Variants in KRT79 observed in about 807,000 individuals in gnomAD.
KRT79 encodes keratin, type II cytoskeletal 79.
KRT79 carries 51 observed loss-of-function variants against 49.0 expected under a neutral mutation model. That is an observed-to-expected ratio of 1.04 (90% CI 0.83 to 1.31). The LOEUF is 1.31. Ranked by LOEUF, KRT79 falls within the 40% of genes most tolerant of loss-of-function variation. KRT79 has a pLI of 0.00. For missense variants in KRT79, 728 were observed against 688.0 expected, an observed-to-expected ratio of 1.06 and a Z score of -0.65; for synonymous variants, 312 against 286.6, an observed-to-expected ratio of 1.09 and a Z score of -0.90.
At chr12:52,830,913 G>A (rs1408670444) in intron 2 of KRT79, among the ~76,000 whole-genome samples, 5 of 152,148 alleles carry the variant, frequency 3.3e-5, no homozygotes, top group Admixed American at 3.3e-4. Flanking sequence ...TTTTTTAGGT[G>A]TGATTATGCC....
intron 4 of KRT79, among the ~76,000 whole-genome samples, chr12:52,828,392 G>A (rs922704092): frequency 1.3e-5 from 2 of 152,166 alleles, no homozygotes; most frequent in Non-Finnish European, 2.9e-5. Flanking sequence ...CTTTGTTTTA[G>A]GCCCTGATTG....
chr12:52,821,616 AAG>A lies in KRT79; in HGVS notation c.*254_*255del. On this transcript the variant is annotated 3_prime_UTR_variant, in exon 9 of 9. Transcript: ENST00000330553. ...AATTCAGCCTCCTCTCGGTGGTCAA[AAG>A]GTCACCCCCAAGTCACCCAAGCACA... The A allele has an allele frequency of 1.1e-4, 40 of 372,342 alleles. No homozygotes were observed. The highest frequency in any genetic ancestry group is 4.6e-4 in the South Asian group (11 of 23,696). 23.1% of individuals were successfully genotyped at this position (372,342 alleles called of 1,614,324 possible).
chr12:52,834,292 G>A lies in KRT79; in HGVS notation c.-32C>T, dbSNP rs1173749878. ...AGAGGGGCCGGAGGGCAGGATGAGA[G>A]GGCAGGAAGGGAGTGCCGTGAGCTG... On this transcript the variant is annotated 5_prime_UTR_variant, in exon 1 of 9. Coordinates refer to ENST00000330553, the MANE Select transcript of KRT79 (RefSeq NM_175834.3). 6.4e-7 allele frequency: 1 copy of A among 1,558,930 alleles called. No homozygotes were observed. The highest frequency in any genetic ancestry group is 1.7e-5 in the Admixed American group (1 of 59,892).
In KRT79 at chr12:52,833,925, C is replaced by G; in HGVS notation, c.336G>C (p.Gly112=). The G allele has an allele frequency of 6.2e-7, 1 of 1,613,082 alleles. No homozygotes were observed. The highest frequency in any genetic ancestry group is 2.2e-5 in the East Asian group (1 of 44,850). Residue 112 remains glycine, a synonymous_variant, in exon 1 of 9, where the codon GGG becomes GGC. Coordinates refer to ENST00000330553, the MANE Select transcript of KRT79 (RefSeq NM_175834.3). ...GGTTGACAGTGACCTCCTGGATCCCCCCAGGAGGACAAGCAGGCCCAAACG... is the reference window on the plus strand; with the variant it reads ...GGTTGACAGTGACCTCCTGGATCCCGCCAGGAGGACAAGCAGGCCCAAACG... ...RQTFGPACPP[G]GIQEVTVNQS... is the part of the protein sequence containing the mutation.
At chr12:52,832,437 C>A (rs1023935851) in intron 1 of KRT79, among the ~76,000 whole-genome samples, 1 of 151,904 alleles carries the variant, frequency 6.6e-6, no homozygotes, top group Non-Finnish European at 1.5e-5. Flanking sequence ...CAGAAGGAGG[C>A]TTACGGTGTG....
At chr12:52,822,906 C>T in intron 7 of KRT79, 110 bp downstream of exon 7, 1 of 1,084,772 alleles carries the variant, frequency 9.2e-7, no homozygotes, top group Non-Finnish European at 1.3e-6. Flanking sequence ...GAGTCAGGAT[C>T]TTGCTCCCTG....
At position 52,822,158 on chromosome 12, in the gene KRT79, A is replaced by G. The variant is rs575409214; in HGVS notation, c.1403-81T>C. 5.5e-6 allele frequency: 8 copies of G among 1,458,826 alleles called. No individual in the cohort carries two copies. The East Asian group carries it at 1.9e-4, about 34-fold the overall frequency. 90.4% of individuals were successfully genotyped at this position (1,458,826 alleles called of 1,614,324 possible). Reference sequence around the variant, plus strand: ...GAGACCCAGAAATCAGTGGGGAATCAGAACAAAATCAAGCAGCAGAGCTAT... The same window carrying G: ...GAGACCCAGAAATCAGTGGGGAATCGGAACAAAATCAAGCAGCAGAGCTAT... On this transcript the variant is annotated intron_variant, in intron 8 of 8. Coordinates refer to ENST00000330553, the MANE Select transcript of KRT79 (RefSeq NM_175834.3).
At chr12:52,824,159 G>T in intron 5 of KRT79, 39 bp downstream of exon 5, 1 of 1,613,698 alleles carries the variant, frequency 6.2e-7, no homozygotes. Flanking sequence ...GATCTGATCC[G>T]ACCCCAGGCC....
At position 52,833,837 on chromosome 12, in the gene KRT79, C is replaced by A; in HGVS notation, c.424G>T (p.Glu142Ter). Reference sequence around the variant, plus strand: ...TTGAGGGTCTTGATCTGCTCCCGCTCCTGAGTGCGCACTCGCTGGATCTCG... The same window carrying A: ...TTGAGGGTCTTGATCTGCTCCCGCTACTGAGTGCGCACTCGCTGGATCTCG... Reference protein sequence around the residue: ...DPEIQRVRTQEREQIKTLNNK... With the variant: ...DPEIQRVRTQ Residue 142 changes from glutamate (E) to a stop codon, truncating the protein, a stop_gained, in exon 1 of 9, where the codon GAG becomes TAG. Coordinates refer to ENST00000330553, the MANE Select transcript of KRT79 (RefSeq NM_175834.3). LOFTEE classifies it high-confidence loss of function. The A allele has an allele frequency of 6.2e-7, 1 of 1,613,956 alleles. No individual in the cohort carries two copies. Among genetic ancestry groups the A allele is most frequent in the South Asian group, 1.1e-5 (1 of 91,046 alleles).
At position 52,822,096 on chromosome 12, in the gene KRT79, G is replaced by C; in HGVS notation, c.1403-19C>G. The C allele has an allele frequency of 6.2e-7, 1 of 1,612,660 alleles. No homozygotes were observed. Among genetic ancestry groups the C allele is most frequent in the Non-Finnish European group, 8.5e-7 (1 of 1,179,370 alleles). The stretch of plus-strand genomic sequence containing the variant: ...GTCACAGCTGCAAAGCAAAGGGTCT[G>C]GATTAGTCAGGGCGGCCATGCCAGA... On this transcript the variant is annotated intron_variant, in intron 8 of 8. Transcript: ENST00000330553.
chr12:52,833,902 T>C lies in KRT79; in HGVS notation c.359A>G (p.Asn120Ser), dbSNP rs1360944943. The C allele has an allele frequency of 4.3e-6, 7 of 1,613,784 alleles. No homozygotes were observed. In the African/African-American group the frequency reaches 8.0e-5, roughly 18 times the overall value. The change falls in exon 1 of 9, where the codon AAC becomes AGC. Residue 120 changes from asparagine to serine, a missense_variant. Coordinates refer to ENST00000330553, the MANE Select transcript of KRT79 (RefSeq NM_175834.3). ...PPGGIQEVTV[N>S]QSLLTPLHVE... is the part of the protein sequence containing the mutation. ...ATGGAGGGGGGTCAGCAGGCTCTGG[T>C]TGACAGTGACCTCCTGGATCCCCCC...
chr12:52,824,106 C>G (rs1032382352), intron 5 of KRT79, 92 bp downstream of exon 5: 32 of 1,611,454 alleles, frequency 2.0e-5, no homozygotes, highest in Non-Finnish European at 2.1e-5. Flanking sequence ...TCTGGCCCCC[C>G]GGACTCCAAG....
intron 4 of KRT79, 146 bp downstream of exon 4, chr12:52,829,877 C>G: frequency 2.9e-6 from 2 of 686,258 alleles, no homozygotes; most frequent in Non-Finnish European, 5.1e-6. Flanking sequence ...GGTAACACAG[C>G]GAAACTCCGT....
In KRT79 at chr12:52,834,014, GC is replaced by G; in HGVS notation, c.246del (p.Arg83GlyfsTer42). 1 of 1,612,194 alleles carries G rather than the reference GC, an allele frequency of 6.2e-7. No individual in the cohort carries two copies. Among genetic ancestry groups the G allele is most frequent in the Non-Finnish European group, 8.5e-7 (1 of 1,179,110 alleles). On this transcript the variant is annotated frameshift_variant, in exon 1 of 9. Coordinates refer to ENST00000330553, the MANE Select transcript of KRT79 (RefSeq NM_175834.3). LOFTEE classifies it high-confidence loss of function. ...SVSVAGGALL[G>X]RALGGFGFGS... is the part of the protein sequence containing the mutation. ...CCAAAGCCAAAGCCCCCCAGAGCCC[GC>G]CCCAACAAGGCCCCTCCGGCCACAC...
rs762674688 is a variant in KRT79 at position 52,830,013 on chromosome 12, G to A, written c.855+10C>T. On this transcript the variant is annotated intron_variant, in intron 4 of 8. Coordinates refer to ENST00000330553, the MANE Select transcript of KRT79 (RefSeq NM_175834.3). The stretch of plus-strand genomic sequence containing the variant: ...GTATGCAAACTCTCCCTGCCCATTG[G>A]CCACCTCACCATTTCATAGAGTTGC... The A allele has an allele frequency of 1.1e-5, 18 of 1,612,974 alleles. No individual in the cohort carries two copies. The highest frequency in any genetic ancestry group is 5.0e-5 in the Admixed American group (3 of 59,996).
chr12:52,823,023 C>G lies in KRT79; in HGVS notation c.1360G>C (p.Glu454Gln). ...GGCAGGAGGGGCCACCACCTGCTCT[C>G]CTCGCTCTCCAGAAGCTTGCGGTAG... The part of the protein sequence containing the change: ...ATYRKLLESE[E>Q]SRMSGECPSA... Residue 454 changes from glutamate (E) to glutamine (Q), a missense_variant, in exon 7 of 9, where the codon GAG becomes CAG. Physicochemically the swap from Glu to Gln is conservative, Grantham distance 29. Transcript: ENST00000330553. The G allele has an allele frequency of 6.2e-7, 1 of 1,614,026 alleles. No homozygotes were observed. The highest frequency in any genetic ancestry group is 8.5e-7 in the Non-Finnish European group (1 of 1,180,002).
Position 52,834,225 on chromosome 12 carries a change from T to C in KRT79, c.36A>G (p.Thr12=). The change falls in exon 1 of 9, where the codon ACA becomes ACG. Residue 12 remains threonine (T), a synonymous_variant. Transcript: ENST00000330553. The part of the protein sequence containing the change: ...RSSVSRQTYS[T]KGGFSSNSAS... ...CAGAGTTGGAGCTGAAGCCCCCTTT[T>C]GTGGAGTATGTTTGCCGAGAGACGG... is the stretch of plus-strand genomic sequence containing the variant. 6.2e-7 allele frequency: 1 copy of C among 1,613,544 alleles called. No homozygotes were observed. The highest frequency in any genetic ancestry group is 8.5e-7 in the Non-Finnish European group (1 of 1,179,960).
At position 52,823,035 on chromosome 12, in the gene KRT79, G is replaced by A; in HGVS notation, c.1348C>T (p.Leu450=). 1 of 1,614,116 alleles carries A rather than the reference G, an allele frequency of 6.2e-7. No homozygotes were observed. The highest frequency in any genetic ancestry group is 8.5e-7 in the Non-Finnish European group (1 of 1,180,006). ...DVEIATYRKL[L]ESEESRMSGE... The stretch of plus-strand genomic sequence containing the variant: ...CACCACCTGCTCTCCTCGCTCTCCA[G>A]AAGCTTGCGGTAGGTGGCAATCTCC... Residue 450 remains leucine (L), a synonymous_variant, in exon 7 of 9, where the codon CTG becomes TTG. Transcript: ENST00000330553.
At chr12:52,830,652 T>C (rs1474750899) in intron 2 of KRT79, among the ~76,000 whole-genome samples, 1 of 151,998 alleles carries the variant, frequency 6.6e-6, no homozygotes, top group Non-Finnish European at 1.5e-5. Flanking sequence ...TCAAACCAGC[T>C]AACTCCTCCC....
Sources: gnomAD v4.1 joint callset for allele counts (sites outside exome capture counted in the v4.1 genomes callset) on GRCh38, gnomAD v4.1.1 for gene constraint, MANE v1.5 for transcripts, NCBI Gene and HGNC (gene_info 2026-07-23, HGNC 2026-07-21) for gene names.